The following PDE4D variants were observed in gnomAD, a reference collection of about 807,000 sequenced individuals.
The protein encoded by PDE4D is phosphodiesterase 4D.
A neutral mutation model predicts 87.4 loss-of-function variants in PDE4D; 24 were observed. The observed-to-expected ratio is 0.27, with a 90% CI of 0.20 to 0.39. The LOEUF (loss-of-function observed/expected upper bound fraction) is 0.39, where lower values mean the gene tolerates loss of function less well. Among genes scored for constraint, PDE4D ranks in the 10% least tolerant of loss-of-function variants. PDE4D has a pLI of 1.00. For missense variants in PDE4D, 714 were observed against 1,041.0 expected, an observed-to-expected ratio of 0.69 and a Z score of 4.32; for synonymous variants, 384 against 383.2, an observed-to-expected ratio of 1.00 and a Z score of -0.02.
At chr5:59,004,308 A>G (rs934178372) in intron 6 of PDE4D, among the ~76,000 whole-genome samples, 1 of 152,188 alleles carries the variant, frequency 6.6e-6, no homozygotes, top group African/African-American at 2.4e-5. Flanking sequence ...AATTTCCCAT[A>G]CTTCAGTTTA....
intron 1 of PDE4D, among the ~76,000 whole-genome samples, chr5:59,691,696 G>A (rs945701810): frequency 7.0e-6 from 1 of 141,950 alleles, no homozygotes; most frequent in Non-Finnish European, 1.5e-5. Context: ...TTGTGCTCAC[G>A]TACCCTAGAA....
chr5:60,460,453 A>C (rs1746836427), intron 1 of PDE4D: 2 of 1,508,158 alleles, frequency 1.3e-6, no homozygotes, highest in Non-Finnish European at 1.8e-6. Context: ...AAATGTTGTT[A>C]CCCCAAAATT....
At chr5:60,289,280 A>C (rs1011939041) in intron 1 of PDE4D, among the ~76,000 whole-genome samples, 1 of 152,156 alleles carries the variant, frequency 6.6e-6, no homozygotes, top group African/African-American at 2.4e-5. Flanking sequence ...CACCCCCCTC[A>C]AAAAAATAAC....
intron 1 of PDE4D, among the ~76,000 whole-genome samples, chr5:59,641,914 C>T (rs1741647200): frequency 6.6e-6 from 1 of 151,986 alleles, no homozygotes; most frequent in Non-Finnish European, 1.5e-5. Context: ...AGCAACTTAT[C>T]TAGGAATTAA....
intron 6 of PDE4D, among the ~76,000 whole-genome samples, chr5:59,032,687 G>A (rs1442494793): frequency 6.6e-6 from 1 of 152,236 alleles, no homozygotes; most frequent in Non-Finnish European, 1.5e-5. Context: ...CAAGAAATAT[G>A]TGACACAGAG....
At chr5:59,155,531 G>C (rs548831424) in intron 5 of PDE4D, among the ~76,000 whole-genome samples, 9 of 152,338 alleles carry the variant, frequency 5.9e-5, no homozygotes, top group African/African-American at 1.7e-4. Flanking sequence ...TGAGGAGGTA[G>C]AGCAACTTGA....
intron 1 of PDE4D, among the ~76,000 whole-genome samples, chr5:60,213,322 G>C (rs1297919554): frequency 6.6e-6 from 1 of 152,166 alleles, no homozygotes; most frequent in African/African-American, 2.4e-5. Flanking sequence ...TAGGTTTGGG[G>C]CAGCAATGGC....
intron 2 of PDE4D, among the ~76,000 whole-genome samples, chr5:60,142,429 T>G (rs1247364089): frequency 6.6e-6 from 1 of 152,132 alleles, no homozygotes; most frequent in Admixed American, 6.6e-5. Flanking sequence ...GGGGAAATAT[T>G]TTTAAAATGG....
intron 1 of PDE4D, among the ~76,000 whole-genome samples, chr5:59,725,587 T>C (rs1227243969): frequency 6.6e-6 from 1 of 152,128 alleles, no homozygotes; most frequent in Non-Finnish European, 1.5e-5. Context: ...TTAAGATCAA[T>C]GGAATGCACT....
At chr5:60,164,183 A>C (rs1024212031) in intron 2 of PDE4D, among the ~76,000 whole-genome samples, 1 of 152,176 alleles carries the variant, frequency 6.6e-6, no homozygotes, top group Non-Finnish European at 1.5e-5. Context: ...TGACAAATCA[A>C]GCAATAGATT....
chr5:59,217,953 T>C (rs1303921205), intron 1 of PDE4D: 1 of 464,074 alleles, frequency 2.2e-6, no homozygotes, highest in South Asian at 1.6e-5. Flanking sequence ...TTAATATGAG[T>C]GCATTAAGAT....
chr5:59,697,107 T>C (rs754740214), intron 1 of PDE4D, among the ~76,000 whole-genome samples: 3 of 152,162 alleles, frequency 2.0e-5, no homozygotes, highest in Non-Finnish European at 4.4e-5. Flanking sequence ...TAAGAAAGCC[T>C]TCCTGATGGG....
chr5:60,353,411 G>T (rs1759358797), intron 1 of PDE4D, among the ~76,000 whole-genome samples: 1 of 152,200 alleles, frequency 6.6e-6, no homozygotes, highest in African/African-American at 2.4e-5. Context: ...TAGCAAATGG[G>T]CCCTGGACTT....
At chr5:59,693,280 A>G (rs1419583926) in intron 1 of PDE4D, among the ~76,000 whole-genome samples, 3 of 152,074 alleles carry the variant, frequency 2.0e-5, no homozygotes, top group African/African-American at 7.2e-5. Context: ...AAATAAACCA[A>G]TAAAACATGA....
In PDE4D at chr5:60,493,921, G is replaced by T. The variant is rs1208401579; in HGVS notation, n.70+28130C>A. 2.0e-5 allele frequency among the ~76,000 whole-genome samples: 3 copies of T among 152,072 alleles called. No individual in the cohort carries two copies. The East Asian group carries it at 5.8e-4, about 29-fold the overall frequency. ...CTTACCACATAAATTAGCACTAGAGGACAAACGAACATTGGAAAAATTGAG... is the reference window on the plus strand; with the variant it reads ...CTTACCACATAAATTAGCACTAGAGTACAAACGAACATTGGAAAAATTGAG... On this transcript the variant is annotated intron_variant and non_coding_transcript_variant, in intron 1 of 2. Transcript: ENST00000506510.
chr5:60,411,106 A>T (rs1022715354), intron 1 of PDE4D, among the ~76,000 whole-genome samples: 1 of 152,222 alleles, frequency 6.6e-6, no homozygotes, highest in African/African-American at 2.4e-5. Flanking sequence ...TAACTGCTGC[A>T]CTGGACAAAG....
chr5:59,283,886 C>T (rs1766341913), intron 1 of PDE4D, among the ~76,000 whole-genome samples: 1 of 152,106 alleles, frequency 6.6e-6, no homozygotes, highest in Non-Finnish European at 1.5e-5. Context: ...GGATTCAAAT[C>T]CCACAGACAC....
At chr5:60,316,613 T>C (rs570611904) in intron 1 of PDE4D, among the ~76,000 whole-genome samples, 305 of 152,320 alleles carry the variant, frequency 2.0e-3, no homozygotes, top group African/African-American at 7.0e-3. Context: ...AGTATGATAT[T>C]GGCTGTGGGT....
At chr5:60,103,069 A>T (rs1252352421) in intron 2 of PDE4D, among the ~76,000 whole-genome samples, 2 of 152,174 alleles carry the variant, frequency 1.3e-5, no homozygotes, top group African/African-American at 4.8e-5. Context: ...TTCTCAGAGA[A>T]ACTTTGCACT....
Sources: gnomAD v4.1 joint callset for allele counts (sites outside exome capture counted in the v4.1 genomes callset) on GRCh38, gnomAD v4.1.1 for gene constraint, MANE v1.5 for transcripts, NCBI Gene and HGNC (gene_info 2026-07-23, HGNC 2026-07-21) for gene names.